Variants in HFM1 observed in about 807,000 individuals in gnomAD.
The protein encoded by HFM1 is helicase for meiosis 1.
In HFM1, 169 loss-of-function variants were observed where a neutral mutation model predicts 192.1. The ratio of observed to expected loss-of-function variants is 0.88; its 90% CI spans 0.78 to 1.00. HFM1 has a LOEUF of 1.00. Ranked by LOEUF, HFM1 falls within the 50% of genes least tolerant of loss-of-function variation. The pLI, the probability that HFM1 is intolerant of heterozygous loss-of-function variation, is 0.00. For missense variants in HFM1, 1,661 were observed against 1,668.0 expected (o/e 1.00, Z 0.07); for synonymous variants, 525 against 537.8 (o/e 0.98, Z 0.33).
At chr1:91,270,943 G>C (rs1666233089) in intron 34 of HFM1, among the ~76,000 whole-genome samples, 1 of 152,134 alleles carries the variant, frequency 6.6e-6, no homozygotes, top group African/African-American at 2.4e-5. Context: ...GAAAGCAAGA[G>C]ATAGAGGGTA....
intron 4 of HFM1, 66 bp from the exon 5 acceptor site, chr1:91,385,900 A>G: frequency 7.2e-7 from 1 of 1,390,884 alleles, no homozygotes; most frequent in Non-Finnish European, 9.8e-7. Flanking sequence ...ATGAAAAACT[A>G]GCATAAAATT....
At chr1:91,289,299 C>A (rs545389896) in intron 30 of HFM1, among the ~76,000 whole-genome samples, 1 of 147,484 alleles carries the variant, frequency 6.8e-6, no homozygotes, top group Non-Finnish European at 1.5e-5. Flanking sequence ...ACATCCCAGA[C>A]GATGGGCGGC....
At chr1:91,328,987 G>A in intron 20 of HFM1, 1 of 1,612,604 alleles carries the variant, frequency 6.2e-7, no homozygotes, top group Non-Finnish European at 8.5e-7. Flanking sequence ...CCAAAAAGCT[G>A]CCAATCCAGG....
chr1:91,374,202 G>A (rs1037563915), intron 13 of HFM1, among the ~76,000 whole-genome samples: 8 of 151,930 alleles, frequency 5.3e-5, no homozygotes, highest in East Asian at 1.9e-4. Flanking sequence ...CAGCTTGACC[G>A]TGATGATTAA....
chr1:91,277,168 A>T, intron 30 of HFM1, 106 bp from the exon 31 acceptor site: 1 of 584,240 alleles, frequency 1.7e-6, no homozygotes, highest in Non-Finnish European at 2.8e-6. Flanking sequence ...CAATACAAAA[A>T]TATTGATTTT....
chr1:91,285,837 C>T (rs1402030589), intron 30 of HFM1, among the ~76,000 whole-genome samples: 3 of 152,134 alleles, frequency 2.0e-5, no homozygotes, highest in Admixed American at 6.6e-5. Context: ...CAGGCTGTCC[C>T]ACTTCACTCT....
chr1:91,401,041 C>T lies in HFM1; in HGVS notation c.42G>A (p.Leu14=). The part of the protein sequence containing the change: ...SNDCLFSLEN[L]FFEKPDEVEN... ...CAACTTCATCTGGTTTTTCAAAAAA[C>T]AAATTTTCCAAAGAAAACAGGCAAT... is the stretch of plus-strand genomic sequence containing the variant. The change falls in exon 2 of 39, where the codon TTG becomes TTA. Residue 14 remains leucine (L), a synonymous_variant. Coordinates refer to ENST00000370425, the MANE Select transcript of HFM1 (RefSeq NM_001017975.6). 3.2e-6 allele frequency: 5 copies of T among 1,554,060 alleles called. No homozygotes were observed. The highest frequency in any genetic ancestry group is 4.3e-6 in the Non-Finnish European group (5 of 1,152,852).
At chr1:91,351,992 G>A (rs1421978709) in intron 16 of HFM1, among the ~76,000 whole-genome samples, 1 of 151,822 alleles carries the variant, frequency 6.6e-6, no homozygotes. Context: ...ATTTACAAAT[G>A]TTTTGAAAAT....
In HFM1 at chr1:91,293,134, T is replaced by C. The variant is rs567942440; in HGVS notation, c.3392-16072A>G. ...AACCTAGGCATTACCATTCAGGACG[T>C]AGGCATGGGCAAGGGCTTCATGTCT... On this transcript the variant is annotated intron_variant, in intron 30 of 38. Transcript: ENST00000370425. Among the ~76,000 whole-genome samples the C allele has an allele frequency of 2.0e-3, 300 of 152,322 alleles. 1 individual carries two copies. Among genetic ancestry groups the C allele is most frequent in the Admixed American group, 3.8e-3 (58 of 15,296 alleles).
intron 30 of HFM1, among the ~76,000 whole-genome samples, chr1:91,294,871 G>C (rs1008346983): frequency 1.3e-5 from 2 of 152,154 alleles, no homozygotes; most frequent in African/African-American, 4.8e-5. Context: ...CCTAGAAGCA[G>C]AATTGCTCTA....
intron 18 of HFM1, among the ~76,000 whole-genome samples, chr1:91,347,813 A>G (rs1470922884): frequency 6.6e-6 from 1 of 152,198 alleles, no homozygotes; most frequent in African/African-American, 2.4e-5. Flanking sequence ...ACTAAAGCTG[A>G]AACTACACAT....
At chr1:91,300,943 G>C (rs1046780559) in intron 30 of HFM1, among the ~76,000 whole-genome samples, 1 of 152,158 alleles carries the variant, frequency 6.6e-6, no homozygotes, top group Non-Finnish European at 1.5e-5. Flanking sequence ...AGGGCAATCA[G>C]GCAGGAGAAG....
intron 31 of HFM1, 105 bp from the exon 32 acceptor site, chr1:91,276,848 G>T: frequency 2.5e-6 from 2 of 801,082 alleles, no homozygotes; most frequent in South Asian, 4.1e-5. Flanking sequence ...TTTTCATGTT[G>T]CCCACAGAGA....
intron 13 of HFM1, among the ~76,000 whole-genome samples, chr1:91,364,625 TA>T (rs1275145457): frequency 0.012 from 495 of 40,944 alleles, 3 homozygotes; most frequent in Admixed American, 0.057. Context: ...TATATATATA[TA>T]TATATATTTT....
intron 30 of HFM1, among the ~76,000 whole-genome samples, chr1:91,296,151 C>T (rs959527734): frequency 6.6e-6 from 1 of 152,168 alleles, no homozygotes; most frequent in Non-Finnish European, 1.5e-5. Flanking sequence ...AATCTCCTGA[C>T]CTCATGATCC....
intron 36 of HFM1, among the ~76,000 whole-genome samples, chr1:91,263,628 C>T (rs1163259522): frequency 2.0e-5 from 3 of 152,010 alleles, no homozygotes; most frequent in Non-Finnish European, 4.4e-5. Context: ...GTGTATGTAC[C>T]TGTAGTCCCA....
intron 20 of HFM1, among the ~76,000 whole-genome samples, chr1:91,337,782 G>A: frequency 1.3e-5 from 2 of 152,170 alleles, no homozygotes; most frequent in East Asian, 3.8e-4. Flanking sequence ...ATGACTGTGT[G>A]CAAAGGAAGA....
chr1:91,261,572 G>A, intron 38 of HFM1: 1 of 325,580 alleles, frequency 3.1e-6, no homozygotes, highest in Admixed American at 4.9e-5. Flanking sequence ...AACTGTAAAG[G>A]TTATTTCTTT....
At chr1:91,335,803 T>C (rs1654487966) in intron 20 of HFM1, among the ~76,000 whole-genome samples, 1 of 152,084 alleles carries the variant, frequency 6.6e-6, no homozygotes, top group Admixed American at 6.6e-5. Flanking sequence ...GCTGCTGTGC[T>C]CTGAATCATC....
Sources: gnomAD v4.1 joint callset for allele counts (sites outside exome capture counted in the v4.1 genomes callset) on GRCh38, gnomAD v4.1.1 for gene constraint, MANE v1.5 for transcripts, NCBI Gene and HGNC (gene_info 2026-07-23, HGNC 2026-07-21) for gene names.